The following SYNM variants were observed in gnomAD, a reference collection of about 807,000 sequenced individuals.
SYNM encodes desmuslin.
SYNM carries 95 observed loss-of-function variants against 104.0 expected under a neutral mutation model. The observed-to-expected ratio is 0.91, with a 90% CI of 0.77 to 1.08. SYNM has a LOEUF of 1.08. Among genes scored for constraint, SYNM ranks in the 50% least tolerant of loss-of-function variants. SYNM has a pLI of 0.00. For synonymous variants in SYNM, 918 were observed against 869.0 expected, an observed-to-expected ratio of 1.06 and a Z score of -0.99; for missense variants, 2,150 against 2,052.2, an observed-to-expected ratio of 1.05 and a Z score of -0.92.
At chr15:99,139,588 TG>T, downstream of SYNM, 1 of 1,537,254 alleles carries the variant, frequency 6.5e-7, no homozygotes, top group Middle Eastern at 1.7e-4. Context: ...TAGGCAAAAG[TG>T]AACAGTTTTA....
At chr15:99,127,929 A>C (rs1487281496) in intron 3 of SYNM, among the ~76,000 whole-genome samples, 1 of 152,166 alleles carries the variant, frequency 6.6e-6, no homozygotes, top group African/African-American at 2.4e-5. Flanking sequence ...GCCTTGCTCA[A>C]ATTTTCCCAG....
At chr15:99,116,218 C>T (rs1231373665) in intron 2 of SYNM, among the ~76,000 whole-genome samples, 1 of 152,240 alleles carries the variant, frequency 6.6e-6, no homozygotes, top group South Asian at 2.1e-4. Context: ...TGGCATTCTC[C>T]TTGGAAATCT....
At chr15:99,139,693 G>A, downstream of SYNM, 2 of 1,381,596 alleles carry the variant, frequency 1.4e-6, no homozygotes, top group South Asian at 2.5e-5. Flanking sequence ...CCTTGGTACT[G>A]ACCAGAGGAT....
Position 99,105,594 on chromosome 15 carries a change from C to A in SYNM, c.395C>A (p.Ala132Glu), listed in dbSNP as rs1443783606. 4 of 1,164,690 alleles carry A rather than the reference C, an allele frequency of 3.4e-6. No individual in the cohort carries two copies. Among genetic ancestry groups the A allele is most frequent in the Non-Finnish European group, 4.2e-6 (4 of 943,222 alleles). The allele number at this position is 1,164,690 out of a possible 1,614,324, so 72.1% of individuals were successfully genotyped here. ...CTGGGCGCGCGCGCCGCCCTCGAGG[C>A]GCTGCTGGGCCGGCTGCAGGCCGAG... ...EALGARAALEALLGRLQAERR... is the reference protein window; with the variant it reads ...EALGARAALEELLGRLQAERR... The change falls in exon 1 of 4, where the codon GCG (alanine) becomes GAG (glutamate). Residue 132 changes from alanine (A) to glutamate (E), a missense_variant. Ala to Glu is a moderately radical substitution (Grantham distance 107). Transcript: ENST00000336292.
In SYNM at chr15:99,132,293, C is replaced by G; in HGVS notation, c.3933C>G (p.Ile1311Met). The G allele has an allele frequency of 1.2e-6, 2 of 1,609,596 alleles. No individual in the cohort carries two copies. Among genetic ancestry groups the G allele is most frequent in the East Asian group, 2.2e-5 (1 of 44,758 alleles). The change falls in exon 4 of 4, where the codon ATC (isoleucine) becomes ATG (methionine). Residue 1311 changes from isoleucine to methionine, a missense_variant. Coordinates refer to ENST00000336292, the MANE Select transcript of SYNM (RefSeq NM_145728.3). ...LPGSSTSIRH[I>M]SIGPQRHQTT... Reference sequence around the variant, plus strand: ...GGAGCAGCACATCCATCAGGCACATCAGCATTGGGCCTCAGAGGCATCAGA... The same window carrying G: ...GGAGCAGCACATCCATCAGGCACATGAGCATTGGGCCTCAGAGGCATCAGA...
chr15:99,126,688 C>T, intron 2 of SYNM, 34 bp from the exon 3 acceptor site: 1 of 1,545,954 alleles, frequency 6.5e-7, no homozygotes, highest in Non-Finnish European at 8.8e-7. Context: ...TCTTTCGTTT[C>T]CTAATGAATT....
At chr15:99,114,193 G>A (rs1555483694) in intron 2 of SYNM, among the ~76,000 whole-genome samples, 1 of 152,176 alleles carries the variant, frequency 6.6e-6, no homozygotes, top group Non-Finnish European at 1.5e-5. Context: ...ATTCCGCAGG[G>A]CTGGGGAGGC....
intron 2 of SYNM, among the ~76,000 whole-genome samples, chr15:99,126,498 G>A (rs1451731857): frequency 6.6e-6 from 1 of 152,252 alleles, no homozygotes; most frequent in Non-Finnish European, 1.5e-5. Context: ...TGGCTGCCAG[G>A]GATGTGGCGG....
Position 99,105,325 on chromosome 15 carries a change from G to A in SYNM, c.126G>A (p.Glu42=). Residue 42 remains glutamate (E), a synonymous_variant, in exon 1 of 4, where the codon GAG becomes GAA. Coordinates refer to ENST00000336292, the MANE Select transcript of SYNM (RefSeq NM_145728.3). ...LERENLLLEE[E]LRGRRGREGL... ...GCGAAAACCTACTCCTGGAGGAGGA[G>A]CTGCGCGGCCGGCGCGGGCGAGAGG... is the stretch of plus-strand genomic sequence containing the variant. The A allele has an allele frequency of 1.9e-6, 3 of 1,543,346 alleles. No homozygotes were observed. Among genetic ancestry groups the A allele is most frequent in the Non-Finnish European group, 1.7e-6 (2 of 1,146,230 alleles).
At chr15:99,139,631 T>G (rs1435051448), downstream of SYNM, 4 of 1,502,496 alleles carry the variant, frequency 2.7e-6, no homozygotes, top group Non-Finnish European at 3.6e-6. Context: ...TGTGACTATC[T>G]GTATGCAAAA....
intron 1 of SYNM, among the ~76,000 whole-genome samples, chr15:99,109,261 A>T (rs1030452039): frequency 6.6e-6 from 1 of 152,222 alleles, no homozygotes. Flanking sequence ...CCAAGTTCCC[A>T]AATGTGATCT....
intron 2 of SYNM, among the ~76,000 whole-genome samples, chr15:99,126,245 G>A (rs910535702): frequency 2.0e-5 from 3 of 152,204 alleles, no homozygotes; most frequent in Admixed American, 6.5e-5. Flanking sequence ...AGTCCCTGCC[G>A]TCTCCTGGTC....
chr15:99,133,408 C>A lies in SYNM; in HGVS notation c.*350C>A. ...CTACAATTAATTATAGATGTCAAAA[C>A]ATTAACCAGATTAAAGTAATATATT... is the stretch of plus-strand genomic sequence containing the variant. On this transcript the variant is annotated 3_prime_UTR_variant, in exon 4 of 4. Coordinates refer to ENST00000336292, the MANE Select transcript of SYNM (RefSeq NM_145728.3). 1 of 248,444 alleles carries A rather than the reference C, an allele frequency of 4.0e-6. No homozygotes were observed. Among genetic ancestry groups the A allele is most frequent in the Non-Finnish European group, 7.8e-6 (1 of 129,016 alleles). The allele number at this position is 248,444 out of a possible 1,614,324, so 15.4% of individuals were successfully genotyped here. A position where few individuals can be genotyped will look rare whatever the true frequency, so the allele number is the denominator to read the frequency against.
In SYNM at chr15:99,133,538, T is replaced by C. The variant is rs1462584104; in HGVS notation, c.*480T>C. 6.2e-6 allele frequency: 1 copy of C among 161,710 alleles called. No individual in the cohort carries two copies. The highest frequency in any genetic ancestry group is 1.4e-5 in the Non-Finnish European group (1 of 73,054). The allele number at this position is 161,710 out of a possible 1,614,324, so 10.0% of individuals were successfully genotyped here. A position where few individuals can be genotyped will look rare whatever the true frequency, so the allele number is the denominator to read the frequency against. On this transcript the variant is annotated 3_prime_UTR_variant, in exon 4 of 4. Transcript: ENST00000336292. ...TCTAAAAAGTCTTTTCAAAAAGAAA[T>C]GGGAAATAGGCAGACTGTTTATGTT...
intron 1 of SYNM, among the ~76,000 whole-genome samples, chr15:99,106,548 C>T (rs576830879): frequency 6.6e-6 from 1 of 152,216 alleles, no homozygotes; most frequent in Non-Finnish European, 1.5e-5. Flanking sequence ...CTTGTTTGAT[C>T]TTGGGAGGGG....
At chr15:99,106,437 G>A (rs2067244770) in intron 1 of SYNM, among the ~76,000 whole-genome samples, 2 of 152,114 alleles carry the variant, frequency 1.3e-5, no homozygotes, top group East Asian at 3.8e-4. Flanking sequence ...TGTCTATAGC[G>A]CTCCTCAGGG....
intron 2 of SYNM, among the ~76,000 whole-genome samples, chr15:99,115,321 C>T (rs1555483804): frequency 6.6e-6 from 1 of 152,068 alleles, no homozygotes; most frequent in African/African-American, 2.4e-5. Context: ...AGGGGACCAA[C>T]TCCCCTGGTG....
rs782324627 is a variant in SYNM at position 99,130,193 on chromosome 15, A to G, written c.1833A>G (p.Ala611=). Residue 611 remains alanine (A), a synonymous_variant, in exon 4 of 4, where the codon GCA becomes GCG. Transcript: ENST00000336292. The stretch of plus-strand genomic sequence containing the variant: ...CTGGTGGTGGGACCGGTAGAGAGGC[A>G]GAAGCAAGAGAGCTACGGTTCAGGT... ...KDAGGGTGRE[A]EARELRFRLG... is the part of the protein sequence containing the mutation. 7 of 1,613,960 alleles carry G rather than the reference A, an allele frequency of 4.3e-6. 1 individual carries two copies. In the Middle Eastern group the frequency reaches 9.9e-4, roughly 228 times the overall value.
chr15:99,113,697 T>C lies in SYNM; in HGVS notation c.917T>C (p.Leu306Pro), dbSNP rs141391292. 4.5e-5 allele frequency: 73 copies of C among 1,613,484 alleles called. No homozygotes were observed. The East Asian group carries it at 1.3e-3, about 30-fold the overall frequency. Reference protein sequence around the residue: ...DLLQVKTGLSLEVATYRALLE... With the variant: ...DLLQVKTGLSPEVATYRALLE... The stretch of plus-strand genomic sequence containing the variant: ...CTGCAGGTGAAGACCGGCCTCAGTC[T>C]GGAGGTGGCGACCTACCGGTAAGGA... Residue 306 changes from leucine (L) to proline (P), a missense_variant, in exon 2 of 4, where the codon CTG becomes CCG. Coordinates refer to ENST00000336292, the MANE Select transcript of SYNM (RefSeq NM_145728.3).
Sources: gnomAD v4.1 joint callset for allele counts (sites outside exome capture counted in the v4.1 genomes callset) on GRCh38, gnomAD v4.1.1 for gene constraint, MANE v1.5 for transcripts, NCBI Gene and HGNC (gene_info 2026-07-23, HGNC 2026-07-21) for gene names.